Variants in CLYBL observed in about 807,000 individuals in gnomAD.
The protein encoded by CLYBL is citramalyl-CoA lyase, mitochondrial.
Under a neutral mutation model 38.9 loss-of-function variants are expected in CLYBL, and 31 were observed. The ratio of observed to expected loss-of-function variants is 0.80; its 90% CI spans 0.60 to 1.08. CLYBL has a LOEUF of 1.08. CLYBL is among the 50% of genes least tolerant of loss of function. CLYBL has a pLI of 0.00. For synonymous variants in CLYBL, 171 were observed against 158.6 expected (o/e 1.08, Z -0.59); for missense variants, 434 against 411.6 (o/e 1.05, Z -0.47).
chr13:99,848,634 C>T (rs908099976), intron 2 of CLYBL, among the ~76,000 whole-genome samples: 2 of 152,216 alleles, frequency 1.3e-5, no homozygotes, highest in Non-Finnish European at 2.9e-5. Flanking sequence ...CACCTATTCC[C>T]TGGGACCCCT....
intron 1 of CLYBL, among the ~76,000 whole-genome samples, chr13:99,759,075 G>A (rs760227887): frequency 4.6e-5 from 7 of 152,194 alleles, no homozygotes; most frequent in Non-Finnish European, 8.8e-5. Context: ...TCCATTTGCT[G>A]GAAAGCACTA....
At chr13:99,711,456 CTAGAGTGCAATGG>C (rs1240604354) in intron 1 of CLYBL, among the ~76,000 whole-genome samples, 2 of 131,486 alleles carry the variant, frequency 1.5e-5, no homozygotes, top group Non-Finnish European at 3.1e-5. Context: ...GTTGCCCAGG[CTAGAGTGCAATGG>C]CGCAATCTCG....
intron 5 of CLYBL, 66 bp downstream of exon 5, chr13:99,864,977 TCTTTGCCCCTCAAG>T (rs1444542146): frequency 8.6e-7 from 1 of 1,166,836 alleles, no homozygotes; most frequent in East Asian, 2.3e-5. Context: ...ATATATTTTT[TCTTTGCCCCTCAAG>T]GATGGACATT....
At chr13:99,769,980 A>G (rs894061015) in intron 1 of CLYBL, among the ~76,000 whole-genome samples, 23 of 152,172 alleles carry the variant, frequency 1.5e-4, no homozygotes, top group Non-Finnish European at 4.4e-5. Flanking sequence ...TCATGAAGAT[A>G]TAGCTGACAT....
In CLYBL at chr13:99,697,490, A is replaced by G. The variant is rs1566612983; in HGVS notation, c.63-75334A>G. ...CTCCCAGGTTCAAGTGATTCTCCCC[A>G]CTCAGTAGCTGGGATTACAGGCACG... is the stretch of plus-strand genomic sequence containing the variant. On this transcript the variant is annotated intron_variant, in intron 1 of 8. Transcript: ENST00000339105. 2.0e-5 allele frequency among the ~76,000 whole-genome samples: 3 copies of G among 150,300 alleles called. No individual in the cohort carries two copies. In the South Asian group the frequency reaches 6.3e-4, roughly 32 times the overall value.
At chr13:99,835,434 C>G (rs1051242590) in intron 2 of CLYBL, among the ~76,000 whole-genome samples, 1 of 152,146 alleles carries the variant, frequency 6.6e-6, no homozygotes, top group Admixed American at 6.5e-5. Flanking sequence ...GTTCCAGCAT[C>G]GGAGATGGAG....
intron 1 of CLYBL, chr13:99,690,630 C>T (rs1203041396): frequency 6.6e-6 from 1 of 152,184 alleles, no homozygotes; most frequent in African/African-American, 2.4e-5. Flanking sequence ...AGCTGCCCTT[C>T]CGAGGATGCT....
intron 2 of CLYBL, among the ~76,000 whole-genome samples, chr13:99,779,557 G>A (rs1385170913): frequency 6.6e-6 from 1 of 152,174 alleles, no homozygotes; most frequent in East Asian, 1.9e-4. Context: ...ATCCATTGTG[G>A]ACTGATACTT....
At chr13:99,829,061 A>G (rs967996008) in intron 2 of CLYBL, among the ~76,000 whole-genome samples, 3 of 152,224 alleles carry the variant, frequency 2.0e-5, no homozygotes, top group Non-Finnish European at 4.4e-5. Context: ...TACATTCAGA[A>G]TCTGCATCAG....
At chr13:99,717,514 C>T (rs1368536424) in intron 1 of CLYBL, among the ~76,000 whole-genome samples, 3 of 150,412 alleles carry the variant, frequency 2.0e-5, no homozygotes, top group Admixed American at 6.6e-5. Context: ...GGCTGGAGTG[C>T]AGTGGCACGA....
intron 2 of CLYBL, among the ~76,000 whole-genome samples, chr13:99,781,155 A>AT (rs1042259441): frequency 2.0e-4 from 29 of 147,940 alleles, no homozygotes; most frequent in African/African-American, 6.6e-4. Context: ...TAAATTTTTT[A>AT]TTATTTATTT....
At chr13:99,715,456 G>GC (rs1412710606) in intron 1 of CLYBL, among the ~76,000 whole-genome samples, 1 of 148,248 alleles carries the variant, frequency 6.7e-6, no homozygotes, top group African/African-American at 2.5e-5. Flanking sequence ...GGACTGGAGT[G>GC]CAGTGGTGTG....
intron 2 of CLYBL, among the ~76,000 whole-genome samples, chr13:99,822,382 T>A (rs1048991295): frequency 1.3e-5 from 2 of 152,134 alleles, no homozygotes; most frequent in African/African-American, 2.4e-5. Flanking sequence ...ATCAGAGTCA[T>A]GAAAGAAGTC....
At chr13:99,750,919 C>G (rs555221304) in intron 1 of CLYBL, among the ~76,000 whole-genome samples, 1 of 151,864 alleles carries the variant, frequency 6.6e-6, no homozygotes, top group Non-Finnish European at 1.5e-5. Context: ...TGGAAATGTA[C>G]GATGATATAG....
At chr13:99,856,823 G>C (rs943185157) in intron 2 of CLYBL, among the ~76,000 whole-genome samples, 1 of 151,494 alleles carries the variant, frequency 6.6e-6, no homozygotes, top group Admixed American at 6.6e-5. Flanking sequence ...ATTTTTAGTA[G>C]AGATGGGGTT....
At chr13:99,809,752 G>A (rs1022905961) in intron 2 of CLYBL, among the ~76,000 whole-genome samples, 1 of 152,240 alleles carries the variant, frequency 6.6e-6, no homozygotes. Flanking sequence ...TTCACTTGCT[G>A]CTCTCCTTAG....
chr13:99,651,420 A>G (rs919774513), intron 1 of CLYBL, among the ~76,000 whole-genome samples: 2 of 152,180 alleles, frequency 1.3e-5, no homozygotes, highest in African/African-American at 4.8e-5. Context: ...AAATACAAAA[A>G]TTAGCTGGGC....
intron 8 of CLYBL, chr13:99,891,951 A>G (rs1297978352): frequency 1.3e-5 from 2 of 152,348 alleles, no homozygotes; most frequent in African/African-American, 2.4e-5. Flanking sequence ...TTGGCTTAAA[A>G]AGACACTTTC....
intron 1 of CLYBL, among the ~76,000 whole-genome samples, chr13:99,646,510 CTTTTTTTT>C (rs140419884): frequency 2.7e-4 from 30 of 109,260 alleles, no homozygotes; most frequent in African/African-American, 9.4e-4. Flanking sequence ...TTACAGAAAT[CTTTTTTTT>C]TTTTTTTTTT....
Sources: gnomAD v4.1 joint callset for allele counts (sites outside exome capture counted in the v4.1 genomes callset) on GRCh38, gnomAD v4.1.1 for gene constraint, MANE v1.5 for transcripts, NCBI Gene and HGNC (gene_info 2026-07-23, HGNC 2026-07-21) for gene names.